KCNIP4: variants seen among roughly 807,000 people sequenced by gnomAD.
The protein encoded by KCNIP4 is Kv channel-interacting protein 4.
KCNIP4 carries 12 observed loss-of-function variants against 34.0 expected under a neutral mutation model. That is an observed-to-expected ratio of 0.35 (90% CI 0.23 to 0.57). The LOEUF is 0.57. Among genes scored for constraint, KCNIP4 ranks in the 20% least tolerant of loss-of-function variants. The pLI, the probability that KCNIP4 is intolerant of heterozygous loss-of-function variation, is 0.83. For synonymous variants in KCNIP4, 124 were observed against 102.2 expected (o/e 1.21, Z -1.29); for missense variants, 238 against 311.7 (o/e 0.76, Z 1.78).
intron 1 of KCNIP4, among the ~76,000 whole-genome samples, chr4:21,410,760 T>G (rs1353235296): frequency 6.6e-6 from 1 of 152,242 alleles, no homozygotes; most frequent in Non-Finnish European, 1.5e-5. Context: ...TATGTGGTAC[T>G]TATTTTTGCA....
chr4:21,875,037 C>A (rs939178044), intron 1 of KCNIP4, among the ~76,000 whole-genome samples: 1 of 152,190 alleles, frequency 6.6e-6, no homozygotes, highest in African/African-American at 2.4e-5. Context: ...ATCTGCCAGA[C>A]AACTGTGACA....
chr4:21,147,941 A>G (rs1333272557), intron 1 of KCNIP4, among the ~76,000 whole-genome samples: 2 of 125,090 alleles, frequency 1.6e-5, no homozygotes, highest in Non-Finnish European at 3.3e-5. Context: ...CTCCGTCTCA[A>G]AAAAAAAAAA....
intron 1 of KCNIP4, among the ~76,000 whole-genome samples, chr4:21,259,011 G>A (rs993432991): frequency 6.6e-6 from 1 of 152,062 alleles, no homozygotes; most frequent in African/African-American, 2.4e-5. Context: ...CATTTACCCG[G>A]GATGTGAAGG....
At chr4:20,882,485 G>A (rs1724803858) in intron 2 of KCNIP4, 123 bp downstream of exon 2, 6 of 698,692 alleles carry the variant, frequency 8.6e-6, no homozygotes, top group Non-Finnish European at 1.2e-5. Context: ...GTAAACATGA[G>A]TACATCAATA....
chr4:20,963,898 A>AAT (rs929401551), intron 1 of KCNIP4, among the ~76,000 whole-genome samples: 4 of 151,918 alleles, frequency 2.6e-5, no homozygotes, highest in African/African-American at 4.8e-5. Context: ...ATCAAGGTAA[A>AAT]ATATATATAT....
chr4:20,825,182 T>C (rs918657510), intron 3 of KCNIP4, among the ~76,000 whole-genome samples: 2 of 149,732 alleles, frequency 1.3e-5, no homozygotes, highest in African/African-American at 4.9e-5. Flanking sequence ...ATAGAGTGAG[T>C]AAATAATTAT....
intron 1 of KCNIP4, among the ~76,000 whole-genome samples, chr4:21,255,786 G>C (rs1056870213): frequency 1.3e-5 from 2 of 152,180 alleles, no homozygotes; most frequent in Non-Finnish European, 2.9e-5. Flanking sequence ...GGGGTATAAA[G>C]ATGACATTGA....
intron 1 of KCNIP4, among the ~76,000 whole-genome samples, chr4:21,261,654 C>T (rs577969053): frequency 6.6e-6 from 1 of 152,156 alleles, no homozygotes; most frequent in Non-Finnish European, 1.5e-5. Flanking sequence ...TACCCAGAAA[C>T]CCAAATATTA....
intron 1 of KCNIP4, among the ~76,000 whole-genome samples, chr4:21,257,913 T>A (rs191865551): frequency 6.6e-6 from 1 of 152,296 alleles, no homozygotes; most frequent in Admixed American, 6.5e-5. Flanking sequence ...GAACATGATT[T>A]GGGGCAGCTA....
chr4:21,126,027 C>T (rs1750586674), intron 1 of KCNIP4, among the ~76,000 whole-genome samples: 1 of 152,014 alleles, frequency 6.6e-6, no homozygotes, highest in African/African-American at 2.4e-5. Flanking sequence ...TAGCAGTGAA[C>T]ATGGGGCTTG....
chr4:20,737,916 G>T (rs1750042708), intron 5 of KCNIP4, among the ~76,000 whole-genome samples: 1 of 152,128 alleles, frequency 6.6e-6, no homozygotes, highest in African/African-American at 2.4e-5. Flanking sequence ...AAGGTTGTTT[G>T]AGTCCAAGAG....
chr4:20,807,484 A>T (rs1277875099), intron 3 of KCNIP4, among the ~76,000 whole-genome samples: 2 of 151,402 alleles, frequency 1.3e-5, no homozygotes, highest in Admixed American at 1.3e-4. Flanking sequence ...AGTTTTTACA[A>T]TTTTAATTGT....
At chr4:20,856,119 G>A (rs1721546327) in intron 2 of KCNIP4, among the ~76,000 whole-genome samples, 1 of 152,172 alleles carries the variant, frequency 6.6e-6, no homozygotes, top group South Asian at 2.1e-4. Flanking sequence ...GATGGAAAAT[G>A]TTGCTTTTAG....
chr4:21,375,508 A>G (rs1179850654), intron 1 of KCNIP4, among the ~76,000 whole-genome samples: 1 of 152,174 alleles, frequency 6.6e-6, no homozygotes, highest in African/African-American at 2.4e-5. Flanking sequence ...GGTATAGTGC[A>G]TTTGATTAAG....
In KCNIP4 at chr4:21,463,112, A is replaced by C. The variant is rs538263610; in HGVS notation, c.61+485459T>G. On this transcript the variant is annotated intron_variant, in intron 1 of 8. Transcript: ENST00000382152. ...TCCATATTGTTTTTCATAATGGCTA[A>C]ACTAATTTACATTCTCACCAACAGT... 5.9e-5 allele frequency among the ~76,000 whole-genome samples: 9 copies of C among 152,082 alleles called. No homozygotes were observed. The South Asian group carries it at 1.9e-3, about 32-fold the overall frequency.
intron 1 of KCNIP4, among the ~76,000 whole-genome samples, chr4:21,651,213 T>C (rs977762798): frequency 6.6e-6 from 1 of 152,122 alleles, no homozygotes; most frequent in Non-Finnish European, 1.5e-5. Context: ...TACAAGAGCA[T>C]GGTTCATTGG....
chr4:21,026,157 T>C (rs1418364230), intron 1 of KCNIP4, among the ~76,000 whole-genome samples: 2 of 152,156 alleles, frequency 1.3e-5, no homozygotes, highest in Non-Finnish European at 2.9e-5. Context: ...ATTTGACCAA[T>C]GGGAGGTACC....
intron 1 of KCNIP4, among the ~76,000 whole-genome samples, chr4:21,504,850 C>A (rs1248512619): frequency 6.6e-6 from 1 of 152,096 alleles, no homozygotes; most frequent in African/African-American, 2.4e-5. Flanking sequence ...ACGATGTTAC[C>A]AAATTTGCTG....
intron 1 of KCNIP4, among the ~76,000 whole-genome samples, chr4:21,403,435 C>T (rs927630849): frequency 1.2e-4 from 19 of 152,190 alleles, no homozygotes; most frequent in Non-Finnish European, 2.2e-4. Context: ...TTGCCACCTA[C>T]AGTCTAGTCT....
Sources: gnomAD v4.1 joint callset for allele counts (sites outside exome capture counted in the v4.1 genomes callset) on GRCh38, gnomAD v4.1.1 for gene constraint, MANE v1.5 for transcripts, NCBI Gene and HGNC (gene_info 2026-07-23, HGNC 2026-07-21) for gene names.